Variants in UBE2G2 observed in about 807,000 individuals in gnomAD.
UBE2G2 encodes ubiquitin-conjugating enzyme E2 G2.
A neutral mutation model predicts 23.0 loss-of-function variants in UBE2G2; 10 were observed. That is an observed-to-expected ratio of 0.43 (90% CI 0.27 to 0.74). The LOEUF (loss-of-function observed/expected upper bound fraction) is 0.74. Among genes scored for constraint, UBE2G2 ranks in the 30% least tolerant of loss-of-function variants. UBE2G2 has a pLI of 0.19. For synonymous variants in UBE2G2, 86 were observed against 81.3 expected, an observed-to-expected ratio of 1.06 and a Z score of -0.31; for missense variants, 150 against 218.3, an observed-to-expected ratio of 0.69 and a Z score of 1.97.
At position 44,772,338 on chromosome 21, in the gene UBE2G2, G is replaced by A. The variant is rs535032430; in HGVS notation, c.386-849C>T. Among the ~76,000 whole-genome samples the A allele has an allele frequency of 1.9e-4, 29 of 152,106 alleles. No individual in the cohort carries two copies. The highest frequency in any genetic ancestry group is 1.3e-3 in the South Asian group (6 of 4,800). ...CAGCCCTCTCAGGATACACACTCGC[G>A]TCACAGGCCCTGACCTCACATCCCT... On this transcript the variant is annotated intron_variant, in intron 5 of 5. Coordinates refer to ENST00000345496, the MANE Select transcript of UBE2G2 (RefSeq NM_003343.6). The surrounding 1 kb of genome is among the most constrained non-coding windows in gnomAD (Gnocchi z 5.4).
chr21:44,799,345 T>C (rs1241608153), intron 1 of UBE2G2, among the ~76,000 whole-genome samples: 2 of 152,260 alleles, frequency 1.3e-5, no homozygotes, highest in South Asian at 2.1e-4. Context: ...TTACGTTGTA[T>C]ATGGCATCAT....
At chr21:44,801,555 C>A in intron 1 of UBE2G2, 151 bp downstream of exon 1, 1 of 1,181,736 alleles carries the variant, frequency 8.5e-7, no homozygotes. Flanking sequence ...GGGCGCAGGG[C>A]GCGGCACTCC....
rs2082921028 is a variant in UBE2G2, at chr21:44,777,367, C to G, written c.176G>C (p.Ser59Thr). 1 of 1,614,092 alleles carries G rather than the reference C, an allele frequency of 6.2e-7. No individual in the cohort carries two copies. The highest frequency in any genetic ancestry group is 8.5e-7 in the Non-Finnish European group (1 of 1,180,024). The change falls in exon 4 of 6, where the codon AGT becomes ACT. Residue 59 changes from serine to threonine, a missense_variant. Physicochemically the swap from Ser to Thr is moderately conservative, Grantham distance 58. Coordinates refer to ENST00000345496, the MANE Select transcript of UBE2G2 (RefSeq NM_003343.6). ...ACTTAACGGGTAATCAAGTGGGAAACTCAGGATGGCAGGAAAAACACCAAA... is the reference window on the plus strand; with the variant it reads ...ACTTAACGGGTAATCAAGTGGGAAAGTCAGGATGGCAGGAAAAACACCAAA... ...FEFGVFPAIL[S>T]FPLDYPLSPP...
In UBE2G2 at chr21:44,797,177, AAC is replaced by A. The variant is rs568957108; in HGVS notation, c.43+4527_43+4528del. ...CCAAAATTTCATGTTAACATGTAAA[AAC>A]ACACAACACACTTCCGTGACAAACC... is the stretch of plus-strand genomic sequence containing the variant. On this transcript the variant is annotated intron_variant, in intron 1 of 5. Coordinates refer to ENST00000345496, the MANE Select transcript of UBE2G2 (RefSeq NM_003343.6). Among the ~76,000 whole-genome samples, 778 of 152,364 alleles carry A rather than the reference AAC, an allele frequency of 5.1e-3. 8 individuals are homozygous for A. The highest frequency in any genetic ancestry group is 0.018 in the African/African-American group (747 of 41,590).
intron 1 of UBE2G2, 46 bp from the exon 2 acceptor site, chr21:44,788,141 A>G (rs1391122271): frequency 1.7e-5 from 26 of 1,531,448 alleles, no homozygotes; most frequent in Non-Finnish European, 2.3e-5. Flanking sequence ...AATAAATGTT[A>G]CATTGTCATT....
chr21:44,774,648 A>G (rs2082899824), intron 4 of UBE2G2: 1 of 449,258 alleles, frequency 2.2e-6, no homozygotes, highest in Non-Finnish European at 4.5e-6. Context: ...TCAGTGGTGA[A>G]CGCTCTACTA....
At position 44,773,641 on chromosome 21, in the gene UBE2G2, G is replaced by A. The variant is rs782152223; in HGVS notation, c.291C>T (p.Gly97=). 1.1e-5 allele frequency: 17 copies of A among 1,612,546 alleles called. No homozygotes were observed. In the South Asian group the frequency reaches 1.6e-4, roughly 16 times the overall value. ...TGCTCTCGTAGCCCATGGGGTCATC[G>A]CCTGGCGCGTGGAGGATGGAAATGC... ...RVCISILHAP[G]DDPMGYESSA... The change falls in exon 5 of 6, where the codon GGC becomes GGT. Residue 97 remains glycine, a synonymous_variant. Transcript: ENST00000345496.
At chr21:44,778,459 T>C (rs235364) in intron 3 of UBE2G2, among the ~76,000 whole-genome samples, 7,294 of 152,320 alleles carry the variant, frequency 0.048, 242 homozygotes, top group African/African-American at 0.079. Context: ...GATGAAACCA[T>C]TTCAGAAATC....
At chr21:44,789,420 C>T (rs1288867667) in intron 1 of UBE2G2, 1 of 148,874 alleles carries the variant, frequency 6.7e-6, no homozygotes, top group Non-Finnish European at 1.5e-5. Context: ...AAACAGAAAG[C>T]TTCATCTATG....
chr21:44,773,514 A>C, intron 5 of UBE2G2, 33 bp downstream of exon 5: 1 of 1,595,466 alleles, frequency 6.3e-7, no homozygotes, highest in Non-Finnish European at 8.5e-7. Flanking sequence ...CTGGGTGTCC[A>C]CGGCAGCTCC....
intron 1 of UBE2G2, among the ~76,000 whole-genome samples, chr21:44,799,804 T>C (rs1460693137): frequency 6.6e-6 from 1 of 152,268 alleles, no homozygotes; most frequent in East Asian, 1.9e-4. Context: ...TTTCAGCCTA[T>C]CTTGACTTTC....
At position 44,779,424 on chromosome 21, in the gene UBE2G2, G is replaced by T. The variant is rs150647475; in HGVS notation, c.126-2007C>A. On this transcript the variant is annotated intron_variant, in intron 3 of 5. Transcript: ENST00000345496. ...CAGAGCCTCAGCATGACCAGCACAG[G>T]GAACGCCACCGAGGGAGGCACGAGC... Among the ~76,000 whole-genome samples the T allele has an allele frequency of 6.6e-3, 1,008 of 152,014 alleles. 7 individuals are homozygous for T. The highest frequency in any genetic ancestry group is 0.014 in the South Asian group (65 of 4,792).
intron 1 of UBE2G2, among the ~76,000 whole-genome samples, chr21:44,789,014 G>A (rs1555962549): frequency 6.6e-6 from 1 of 152,014 alleles, no homozygotes; most frequent in Non-Finnish European, 1.5e-5. Flanking sequence ...TGCTGAATAT[G>A]AGGCATATAT....
chr21:44,788,264 TAAC>T (rs782471135), intron 1 of UBE2G2, among the ~76,000 whole-genome samples, 169 bp from the exon 2 acceptor site: 47 of 151,232 alleles, frequency 3.1e-4, no homozygotes, highest in Admixed American at 5.3e-4. Flanking sequence ...ACGGTTCTGA[TAAC>T]AACTACACAA....
Position 44,778,280 on chromosome 21 carries a change from G to A in UBE2G2, c.126-863C>T, listed in dbSNP as rs782043189. Among the ~76,000 whole-genome samples the A allele has an allele frequency of 1.0e-3, 156 of 152,344 alleles. 1 individual carries two copies. Among genetic ancestry groups the A allele is most frequent in the Non-Finnish European group, 1.7e-3 (115 of 68,036 alleles). Reference sequence around the variant, plus strand: ...ACATGTGATCACTGCTGCATGCTCGGTGAAAGGCTAGGCACACAGGCACCA... The same window carrying A: ...ACATGTGATCACTGCTGCATGCTCGATGAAAGGCTAGGCACACAGGCACCA... On this transcript the variant is annotated intron_variant, in intron 3 of 5. Coordinates refer to ENST00000345496, the MANE Select transcript of UBE2G2 (RefSeq NM_003343.6).
chr21:44,771,492 G>T lies in UBE2G2; in HGVS notation c.386-3C>A, dbSNP rs1555959942. 1 of 1,610,046 alleles carries T rather than the reference G, an allele frequency of 6.2e-7. No individual in the cohort carries two copies. The highest frequency in any genetic ancestry group is 1.7e-5 in the Admixed American group (1 of 60,024). On this transcript the variant is annotated splice_region_variant and splice_polypyrimidine_tract_variant and intron_variant, in intron 5 of 5. Coordinates refer to ENST00000345496, the MANE Select transcript of UBE2G2 (RefSeq NM_003343.6). This position sits in a 1 kb window ranked among gnomAD's most constrained non-coding sequence, Gnocchi z 4.6. ...AGCTCCACTTTCGTCATTGGGCTCTGAAAGAAAAGGGAACACCCTCCATGT... is the reference window on the plus strand; with the variant it reads ...AGCTCCACTTTCGTCATTGGGCTCTTAAAGAAAAGGGAACACCCTCCATGT...
intron 1 of UBE2G2, among the ~76,000 whole-genome samples, chr21:44,797,658 T>TGAGACAAG (rs1569302569): frequency 7.6e-6 from 1 of 131,748 alleles, no homozygotes; most frequent in Non-Finnish European, 1.5e-5. Context: ...GAGCCTGCAG[T>TGAGACAAG]GAGTCAAGAT....
At chr21:44,798,754 A>G (rs1201356795) in intron 1 of UBE2G2, among the ~76,000 whole-genome samples, 2 of 152,222 alleles carry the variant, frequency 1.3e-5, no homozygotes, top group Admixed American at 6.5e-5. Context: ...ATCCATGAGC[A>G]TTGAAATCAA....
At chr21:44,790,710 C>A (rs1163455173) in intron 1 of UBE2G2, among the ~76,000 whole-genome samples, 2 of 152,228 alleles carry the variant, frequency 1.3e-5, no homozygotes, top group African/African-American at 4.8e-5. Context: ...CCATGTGGAA[C>A]TGTGAGTCAA....
Sources: gnomAD v4.1 joint callset for allele counts (sites outside exome capture counted in the v4.1 genomes callset) on GRCh38, gnomAD v4.1.1 for gene constraint, Gnocchi (gnomAD v3.1) non-coding constraint, MANE v1.5 for transcripts, NCBI Gene and HGNC (gene_info 2026-07-23, HGNC 2026-07-21) for gene names.